Variants in VPS33A observed in about 807,000 individuals in gnomAD.
VPS33A encodes VPS33A core subunit of CORVET and HOPS complexes.
A neutral mutation model predicts 71.8 loss-of-function variants in VPS33A; 32 were observed. The observed-to-expected ratio is 0.45, with a 90% CI of 0.34 to 0.60. The LOEUF is 0.60. Ranked by LOEUF, VPS33A falls within the 20% of genes least tolerant of loss-of-function variation. The pLI, the probability that VPS33A is intolerant of heterozygous loss-of-function variation, is 0.02. For synonymous variants in VPS33A, 311 were observed against 292.7 expected, an observed-to-expected ratio of 1.06 and a Z score of -0.64; for missense variants, 625 against 748.5, an observed-to-expected ratio of 0.84 and a Z score of 1.92.
Position 122,251,079 on chromosome 12 carries a change from G to C in VPS33A, c.504C>G (p.Asp168Glu), listed in dbSNP as rs1378037168. The C allele has an allele frequency of 6.2e-7, 1 of 1,613,754 alleles. No homozygotes were observed. The highest frequency in any genetic ancestry group is 1.7e-5 in the Admixed American group (1 of 59,988). ...GAFKECYLEG[D>E]QTSLYHAAKG... Reference sequence around the variant, plus strand: ...TGGCTGCGTGGTACAGGCTCGTCTGGTCACCCTCCAGGTAGCACTCCTGTG... The same window carrying C: ...TGGCTGCGTGGTACAGGCTCGTCTGCTCACCCTCCAGGTAGCACTCCTGTG... Residue 168 changes from aspartate to glutamate, a missense_variant, in exon 5 of 13, where the codon GAC becomes GAG. Physicochemically the swap from Asp to Glu is conservative, Grantham distance 45. Coordinates refer to ENST00000267199, the MANE Select transcript of VPS33A (RefSeq NM_022916.6).
Position 122,250,984 on chromosome 12 carries a change from C to A in VPS33A, c.599G>T (p.Arg200Leu). ...CACCACAAAGCAGCCGGTTCTCACC[C>A]GAGCGCATTCTCCTTTCCCAAAGAT... ...PQIFGKGECA[R>L]QVANMMIRMK... The change falls in exon 5 of 13, where the codon CGG becomes CTG. Residue 200 changes from arginine to leucine, a missense_variant and splice_region_variant. Physicochemically the swap from Arg to Leu is moderately radical, Grantham distance 102 (BLOSUM62 -2). Transcript: ENST00000267199. 6.2e-7 allele frequency: 1 copy of A among 1,612,958 alleles called. No homozygotes were observed. Among genetic ancestry groups the A allele is most frequent in the South Asian group, 1.1e-5 (1 of 91,022 alleles).
At position 122,249,981 on chromosome 12, in the gene VPS33A, G is replaced by T; in HGVS notation, c.665C>A (p.Pro222His). The change falls in exon 6 of 13, where the codon CCT becomes CAT. Residue 222 changes from proline (P) to histidine (H), a missense_variant. Coordinates refer to ENST00000267199, the MANE Select transcript of VPS33A (RefSeq NM_022916.6). Reference sequence around the variant, plus strand: ...AAGCAACAAGAGATTATCAAAAACAGGAAATATTGAATTCTGGCTTCCTGT... The same window carrying T: ...AAGCAACAAGAGATTATCAAAAACATGAAATATTGAATTCTGGCTTCCTGT... Reference protein sequence around the residue: ...EFTGSQNSIFPVFDNLLLLDR... With the variant: ...EFTGSQNSIFHVFDNLLLLDR... The T allele has an allele frequency of 6.2e-7, 1 of 1,614,048 alleles. No homozygotes were observed. Among genetic ancestry groups the T allele is most frequent in the Non-Finnish European group, 8.5e-7 (1 of 1,179,978 alleles).
rs777533265 is a variant in VPS33A, at chr12:122,244,651, T to C, written c.887A>G (p.Tyr296Cys). 1.9e-6 allele frequency: 3 copies of C among 1,614,202 alleles called. No individual in the cohort carries two copies. The highest frequency in any genetic ancestry group is 2.5e-6 in the Non-Finnish European group (3 of 1,180,028). The change falls in exon 7 of 13, where the codon TAT becomes TGT. Residue 296 changes from tyrosine to cysteine, a missense_variant. Transcript: ENST00000267199. The stretch of plus-strand genomic sequence containing the variant: ...GAAGTTCTTATCTCGGATCTCAGCA[T>C]AGAGCTCCTCTGCAGAATTCAGCTG... ...KLQLNSAEEL[Y>C]AEIRDKNFNA... is the part of the protein sequence containing the mutation.
chr12:122,236,042 C>T (rs1954626091), intron 10 of VPS33A, 119 bp from the exon 11 acceptor site: 1 of 1,294,310 alleles, frequency 7.7e-7, no homozygotes, highest in Non-Finnish European at 1.1e-6. Context: ...TTACCAAAGT[C>T]CAGCAATGTT....
intron 9 of VPS33A, 99 bp downstream of exon 9, chr12:122,239,779 A>AAAAAAAAAAAAAAT: frequency 5.9e-6 from 3 of 507,354 alleles, no homozygotes; most frequent in East Asian, 8.3e-5. Context: ...AAAAAAAAAA[A>AAAAAAAAAAAAAAT]GGCAAGGCAT....
rs57522920 is a variant in VPS33A, at chr12:122,238,770, T to TACACAC, written c.1165-52_1165-47dup. On this transcript the variant is annotated intron_variant, in intron 9 of 12. Transcript: ENST00000267199. ...ATATACATATACATTTACATATACA[T>TACACAC]ACACACACACACACACACACACACA... The TACACAC allele has an allele frequency of 8.6e-3, 7,497 of 872,132 alleles. 52 individuals carry two copies. The highest frequency in any genetic ancestry group is 0.042 in the African/African-American group (2,138 of 51,420). The allele number at this position is 872,132 out of a possible 1,614,324, so 54.0% of individuals were successfully genotyped here. A position where few individuals can be genotyped will look rare whatever the true frequency, so the allele number is the denominator to read the frequency against.
At chr12:122,244,225 T>C (rs778090473) in intron 7 of VPS33A, among the ~76,000 whole-genome samples, 1 of 152,182 alleles carries the variant, frequency 6.6e-6, no homozygotes, top group Non-Finnish European at 1.5e-5. Context: ...CAAGTTCTAT[T>C]ATAGAGGATT....
At chr12:122,249,391 T>A (rs1954816018) in intron 6 of VPS33A, 1 of 152,208 alleles carries the variant, frequency 6.6e-6, no homozygotes, top group African/African-American at 2.4e-5. Context: ...CTCAGCTAAT[T>A]TTTTGTATTT....
chr12:122,236,095 C>T (rs1486779648), intron 10 of VPS33A, among the ~76,000 whole-genome samples, 172 bp from the exon 11 acceptor site: 1 of 152,100 alleles, frequency 6.6e-6, no homozygotes, highest in Admixed American at 6.6e-5. Flanking sequence ...TGAAACTTGT[C>T]CTAAAACTGC....
chr12:122,262,241 A>ACT (rs1302301061), intron 3 of VPS33A, among the ~76,000 whole-genome samples: 2 of 151,544 alleles, frequency 1.3e-5, no homozygotes, highest in South Asian at 4.2e-4. Context: ...AGCTGTACCC[A>ACT]CTCTCTCTCT....
intron 7 of VPS33A, among the ~76,000 whole-genome samples, chr12:122,242,858 T>C (rs895005349): frequency 6.6e-6 from 1 of 152,140 alleles, no homozygotes; most frequent in East Asian, 1.9e-4. Context: ...CTGGCCGATA[T>C]TTTAAGTGCT....
intron 8 of VPS33A, chr12:122,241,235 A>G (rs1271140637): frequency 6.6e-6 from 1 of 152,190 alleles, no homozygotes; most frequent in Non-Finnish European, 1.5e-5. Flanking sequence ...TCTACATTCC[A>G]AATATTTTTC....
chr12:122,236,665 C>T (rs940423824), intron 10 of VPS33A, among the ~76,000 whole-genome samples: 2 of 152,182 alleles, frequency 1.3e-5, no homozygotes, highest in African/African-American at 4.8e-5. Flanking sequence ...AAGTAGCCAA[C>T]ACTTATAAAA....
In VPS33A at chr12:122,261,271, C is replaced by A. The variant is rs769519491; in HGVS notation, c.473G>T (p.Gly158Val). The A allele has an allele frequency of 1.3e-6, 2 of 1,598,934 alleles. No individual in the cohort carries two copies. The highest frequency in any genetic ancestry group is 2.2e-5 in the East Asian group (1 of 44,708). Residue 158 changes from glycine (G) to valine (V), a missense_variant, in exon 4 of 13, where the codon GGT becomes GTT. Gly to Val is a moderately radical substitution (Grantham distance 109). Coordinates refer to ENST00000267199, the MANE Select transcript of VPS33A (RefSeq NM_022916.6). ...DGDLLSMESEGAFKECYLEGD... is the reference protein window; with the variant it reads ...DGDLLSMESEVAFKECYLEGD... ...AAATGCCAAACTTACTTTGAATGCA[C>A]CCTCTGATTCCATGGATAAGAGATC...
At chr12:122,250,313 T>C (rs1954826065) in intron 5 of VPS33A, 1 of 389,128 alleles carries the variant, frequency 2.6e-6, no homozygotes, top group African/African-American at 2.1e-5. Flanking sequence ...ATGAAGTCAC[T>C]GCAAACACTA....
chr12:122,263,635 T>C lies in VPS33A; in HGVS notation c.233A>G (p.Asn78Ser). ...GNRLPAADVK[N>S]IIFFVRPRLE... ...CCTGGGTCTGACAAAAAAAATTATATTCTTCACATCAGCTGCCGGCAAACG... is the reference window on the plus strand; with the variant it reads ...CCTGGGTCTGACAAAAAAAATTATACTCTTCACATCAGCTGCCGGCAAACG... The change falls in exon 3 of 13, where the codon AAT becomes AGT. Residue 78 changes from asparagine to serine, a missense_variant. Physicochemically the swap from Asn to Ser is conservative, Grantham distance 46. Transcript: ENST00000267199. 6.2e-7 allele frequency: 1 copy of C among 1,613,356 alleles called. No individual in the cohort carries two copies. The highest frequency in any genetic ancestry group is 8.5e-7 in the Non-Finnish European group (1 of 1,179,426).
intron 12 of VPS33A, 21 bp downstream of exon 12, chr12:122,232,779 A>C: frequency 1.2e-6 from 2 of 1,601,850 alleles, no homozygotes. Context: ...AATTATCTGT[A>C]GATGCTGGAC....
chr12:122,263,124 C>A (rs551905598), intron 3 of VPS33A, among the ~76,000 whole-genome samples: 1 of 151,746 alleles, frequency 6.6e-6, no homozygotes, highest in East Asian at 1.9e-4. Flanking sequence ...TCCCGAGTAG[C>A]TGGGACTACA....
At chr12:122,232,485 C>T (rs1954576275) in intron 12 of VPS33A, 58 bp from the exon 13 acceptor site, 1 of 1,468,002 alleles carries the variant, frequency 6.8e-7, no homozygotes, top group Non-Finnish European at 9.2e-7. Context: ...TCTCTTCCCA[C>T]CTCTTCAAAC....
Sources: gnomAD v4.1 joint callset for allele counts (sites outside exome capture counted in the v4.1 genomes callset) on GRCh38, gnomAD v4.1.1 for gene constraint, MANE v1.5 for transcripts, NCBI Gene and HGNC (gene_info 2026-07-23, HGNC 2026-07-21) for gene names.